The following IL17REL variants were observed in gnomAD, a reference collection of about 807,000 sequenced individuals.
IL17REL encodes interleukin-17 receptor E-like protein.
A neutral mutation model predicts 49.0 loss-of-function variants in IL17REL; 36 were observed. That is an observed-to-expected ratio of 0.73 (90% confidence interval 0.56 to 0.97). The LOEUF (loss-of-function observed/expected upper bound fraction) is 0.97, where lower values mean the gene tolerates loss of function less well. Ranked by LOEUF, IL17REL falls within the 50% of genes least tolerant of loss-of-function variation. The pLI is 0.00. For synonymous variants in IL17REL, 206 were observed against 192.4 expected (o/e 1.07, Z -0.58); for missense variants, 470 against 453.9 (o/e 1.04, Z -0.32).
intron 1 of IL17REL, among the ~76,000 whole-genome samples, chr22:50,003,647 A>T (rs1255901903): frequency 2.6e-5 from 4 of 152,288 alleles, no homozygotes; most frequent in Admixed American, 6.5e-5. Context: ...TCACAGAAAA[A>T]TTTTTTGACA....
intron 9 of IL17REL, 115 bp downstream of exon 11, chr22:49,997,910 G>T (rs1049995879): frequency 7.6e-6 from 11 of 1,452,962 alleles, no homozygotes; most frequent in African/African-American, 1.4e-5. Context: ...GGCTCTGAGG[G>T]ACGCCTGGGA....
At chr22:49,999,405 C>G (rs746362770) in intron 6 of IL17REL, 26 bp downstream of exon 8, 16 of 1,612,590 alleles carry the variant, frequency 9.9e-6, no homozygotes. Flanking sequence ...TCACCCGCCC[C>G]AAGTCCAGGC....
intron 1 of IL17REL, among the ~76,000 whole-genome samples, chr22:50,005,586 C>G (rs1008036103): frequency 8.6e-5 from 13 of 151,922 alleles, no homozygotes; most frequent in African/African-American, 3.1e-4. Flanking sequence ...CGGATCACTT[C>G]GGGTCAGGAG....
upstream of IL17REL, chr22:50,008,923 C>T (rs1883289): frequency 0.2 from 30,411 of 152,258 alleles, 3,184 homozygotes; most frequent in South Asian, 0.39. Flanking sequence ...GCACCCACTA[C>T]GTGCCAGGCT....
chr22:50,007,631 G>A (rs1252866160), intron 1 of IL17REL, among the ~76,000 whole-genome samples: 1 of 151,900 alleles, frequency 6.6e-6, no homozygotes, highest in African/African-American at 2.4e-5. Context: ...CACCTGCCTC[G>A]GCCTCCCAAA....
chr22:50,003,519 C>CAAAAAAA (rs142337526), intron 1 of IL17REL, among the ~76,000 whole-genome samples: 12 of 39,080 alleles, frequency 3.1e-4, no homozygotes, highest in Non-Finnish European at 4.2e-4. Flanking sequence ...GACTCCATCT[C>CAAAAAAA]AAAAAAAAAA....
chr22:49,998,626 G>A (rs1393194396), intron 7 of IL17REL, among the ~76,000 whole-genome samples: 1 of 149,722 alleles, frequency 6.7e-6, no homozygotes, highest in Non-Finnish European at 1.5e-5. Flanking sequence ...GGGTATGGGT[G>A]TGCGTGAGTG....
intron 1 of IL17REL, 22 bp from the exon 3 acceptor site, chr22:50,001,253 G>T: frequency 9.5e-7 from 1 of 1,047,826 alleles, no homozygotes; most frequent in South Asian, 1.4e-5. Flanking sequence ...GAAGGAGCGT[G>T]AGGCCTCGAG....
chr22:49,999,212 C>G lies in IL17REL; in HGVS notation c.601+79G>C, dbSNP rs533412083. On this transcript the variant is annotated intron_variant, in intron 7 of 12. Transcript: ENST00000341280. ...GGGCCTGCTCCTTATCTCATCCCCCCACGTCAGTCCTCATGGTGGAGTCAG... is the reference window on the plus strand; with the variant it reads ...GGGCCTGCTCCTTATCTCATCCCCCGACGTCAGTCCTCATGGTGGAGTCAG... The G allele has an allele frequency of 6.3e-5, 96 of 1,526,344 alleles. 2 individuals carry two copies. Among genetic ancestry groups the G allele is most frequent in the Non-Finnish European group, 1.2e-5 (13 of 1,101,314 alleles). The allele number at this position is 1,526,344 out of a possible 1,614,324, so 94.6% of individuals were successfully genotyped here. A position where few individuals can be genotyped will look rare whatever the true frequency, so the allele number is the denominator to read the frequency against.
chr22:49,999,300 A>G, exon 7 of IL17REL: 1 of 1,612,988 alleles, frequency 6.2e-7, no homozygotes, highest in Non-Finnish European at 8.5e-7. Flanking sequence ...CCGTTTTCAA[A>G]GGGGCAGATC....
At chr22:50,003,519 CAA>C (rs142337526) in intron 1 of IL17REL, among the ~76,000 whole-genome samples, 39 of 39,084 alleles carry the variant, frequency 1.0e-3, no homozygotes, top group African/African-American at 3.4e-3. Context: ...GACTCCATCT[CAA>C]AAAAAAAAAA....
chr22:49,998,472 A>C (rs1482846207), intron 7 of IL17REL, among the ~76,000 whole-genome samples, 163 bp from the exon 10 acceptor site: 1 of 151,288 alleles, frequency 6.6e-6, no homozygotes, highest in Non-Finnish European at 1.5e-5. Flanking sequence ...GCATGGGTGC[A>C]TGTGCATGTG....
At chr22:50,002,464 G>A (rs1408472118) in intron 1 of IL17REL, among the ~76,000 whole-genome samples, 2 of 151,734 alleles carry the variant, frequency 1.3e-5, no homozygotes, top group Admixed American at 1.3e-4. Flanking sequence ...AATATGCTAT[G>A]GGTAAGAAAT....
At chr22:50,006,256 C>T (rs1392459392) in intron 1 of IL17REL, among the ~76,000 whole-genome samples, 1 of 152,110 alleles carries the variant, frequency 6.6e-6, no homozygotes, top group Non-Finnish European at 1.5e-5. Context: ...CCCCCAAAGC[C>T]CACAACCCAG....
chr22:49,997,312 C>T lies in IL17REL; in HGVS notation c.974+8G>A, dbSNP rs368405524. On this transcript the variant is annotated splice_region_variant and intron_variant, in intron 11 of 12. Transcript: ENST00000341280. The stretch of plus-strand genomic sequence containing the variant: ...TCCCCAGGATGGAGCCCCACTCTCT[C>T]GGCTCACTGAGGCTGAAGGGAGCGG... The T allele has an allele frequency of 2.7e-5, 44 of 1,611,674 alleles. 1 individual carries two copies. The Middle Eastern group carries it at 1.7e-3, about 61-fold the overall frequency.
At chr22:50,000,696 A>G in intron 3 of IL17REL, 58 bp downstream of exon 4, 1 of 1,531,804 alleles carries the variant, frequency 6.5e-7, no homozygotes. Context: ...GATGGCGCCC[A>G]GGAGGAGTGG....
At chr22:50,000,027 G>C in intron 4 of IL17REL, 60 bp from the exon 7 acceptor site, 1 of 1,408,206 alleles carries the variant, frequency 7.1e-7, no homozygotes, top group Non-Finnish European at 9.3e-7. Flanking sequence ...GCGGGGCTCT[G>C]TCTGTCCCGA....
chr22:49,997,891 C>T (rs539589546), intron 9 of IL17REL, 134 bp downstream of exon 11: 1 of 1,401,302 alleles, frequency 7.1e-7, no homozygotes, highest in Non-Finnish European at 1.0e-6. Context: ...CACTGTCAGA[C>T]CAGGAGGGGG....
intron 6 of IL17REL, 36 bp from the exon 9 acceptor site, chr22:49,999,381 T>A (rs1379605464): frequency 5.0e-6 from 8 of 1,612,668 alleles, no homozygotes; most frequent in Non-Finnish European, 6.8e-6. Context: ...AGCCCACCCA[T>A]CCCTGTGCTC....
Sources: allele counts gnomAD v4.1 joint callset (sites outside exome capture counted in the v4.1 genomes callset), GRCh38; gene constraint gnomAD v4.1.1; transcripts MANE v1.5; gene names NCBI Gene and HGNC (gene_info 2026-07-23, HGNC 2026-07-21).